Variants in CAPRIN2 observed in about 807,000 individuals in gnomAD.
The protein encoded by CAPRIN2 is caprin family member 2.
A neutral mutation model predicts 130.4 loss-of-function variants in CAPRIN2; 66 were observed. The ratio of observed to expected loss-of-function variants is 0.51; its 90% confidence interval spans 0.42 to 0.62. CAPRIN2 has a LOEUF of 0.62. Among genes scored for constraint, CAPRIN2 ranks in the 20% least tolerant of loss-of-function variants. CAPRIN2 has a pLI of 0.00. For synonymous variants in CAPRIN2, 471 were observed against 444.1 expected (o/e 1.06, Z -0.76); for missense variants, 1,185 against 1,246.6 (o/e 0.95, Z 0.74).
At chr12:30,722,604 C>T (rs1401898792) in intron 11 of CAPRIN2, among the ~76,000 whole-genome samples, 1 of 152,124 alleles carries the variant, frequency 6.6e-6, no homozygotes, top group Non-Finnish European at 1.5e-5. Context: ...TCAACAAATA[C>T]AGTTTGAAAA....
chr12:30,740,883 CT>C, intron 3 of CAPRIN2, 136 bp downstream of exon 4: 2 of 591,820 alleles, frequency 3.4e-6, no homozygotes, highest in South Asian at 4.9e-5. Context: ...TATCCTCAAC[CT>C]TCCATCACGA....
In CAPRIN2 at chr12:30,728,951, T is replaced by G. The variant is rs761937593; in HGVS notation, c.1479A>C (p.Thr493=). ...GCAGCTGAACTGGCCACAGCTTTGG[T>G]GTCTCCTGTTTCTTTTGTTCCTCTT... The change falls in exon 8 of 17, where the codon ACA becomes ACC. Residue 493 remains threonine, a synonymous_variant. Transcript: ENST00000298892. The G allele has an allele frequency of 2.5e-6, 4 of 1,614,180 alleles. No individual in the cohort carries two copies. In the Admixed American group the frequency reaches 6.7e-5, roughly 27 times the overall value.
exon 8 of CAPRIN2, chr12:30,728,867 G>C (rs184804045): frequency 1.2e-6 from 2 of 1,614,062 alleles, no homozygotes; most frequent in Admixed American, 3.3e-5. Flanking sequence ...TGTTCTGTTC[G>C]CTCTGCATGG....
rs2139901230 is a variant in CAPRIN2, at chr12:30,751,070, C to A, written c.483+1G>T. On this transcript the variant is annotated splice_donor_variant, in intron 2 of 16. Transcript: ENST00000298892. LOFTEE classifies it high-confidence loss of function. ...TTACTAAAAGATCATAAGCCACTTA[C>A]CAACTGGTCTGGATTAAGATGCTCT... The A allele has an allele frequency of 6.2e-7, 1 of 1,612,286 alleles. No individual in the cohort carries two copies. The highest frequency in any genetic ancestry group is 1.1e-5 in the South Asian group (1 of 91,048).
At chr12:30,725,904 C>T in intron 9 of CAPRIN2, 62 bp downstream of exon 10, 4 of 1,347,444 alleles carry the variant, frequency 3.0e-6, no homozygotes, top group Non-Finnish European at 3.9e-6. Context: ...AATAATTTCA[C>T]TGTAATGTTT....
At chr12:30,725,247 A>G (rs7303665) in intron 9 of CAPRIN2, among the ~76,000 whole-genome samples, 34,098 of 152,062 alleles carry the variant, frequency 0.22, 4,054 homozygotes, top group Middle Eastern at 0.32. Flanking sequence ...AGTTTCCAGT[A>G]TTTTGCATAC....
rs1214832761 is a variant in CAPRIN2 at position 30,712,476 on chromosome 12, TGAG to T, written c.2602-850_2602-848del. ...ACATCCTCCCCTCACATACATTCCC[TGAG>T]GATCACATAATAACATCTAATATTT... On this transcript the variant is annotated intron_variant, in intron 15 of 16. Coordinates refer to ENST00000298892, the Ensembl canonical transcript of CAPRIN2. Among the ~76,000 whole-genome samples, 3 of 152,198 alleles carry T rather than the reference TGAG, an allele frequency of 2.0e-5. No individual in the cohort carries two copies. The East Asian group carries it at 5.8e-4, about 29-fold the overall frequency.
intron 8 of CAPRIN2, among the ~76,000 whole-genome samples, chr12:30,726,613 T>C (rs758603621): frequency 2.1e-4 from 32 of 152,314 alleles, no homozygotes; most frequent in Middle Eastern, 3.4e-3. Flanking sequence ...CTGATATCCA[T>C]CCTAAATTGC....
intron 11 of CAPRIN2, 78 bp from the exon 13 acceptor site, chr12:30,720,993 A>G (rs2059253883): frequency 1.1e-6 from 1 of 946,368 alleles, no homozygotes; most frequent in African/African-American, 1.6e-5. Flanking sequence ...GGCCTTCCTA[A>G]TATGTTACTC....
At chr12:30,731,361 C>G (rs763432760) in exon 6 of CAPRIN2, 1 of 1,612,434 alleles carries the variant, frequency 6.2e-7, no homozygotes, top group South Asian at 1.1e-5. Flanking sequence ...TTGACAGATT[C>G]AGTCTTCGAT....
At position 30,710,196 on chromosome 12, in the gene CAPRIN2, A is replaced by G. The variant is rs781457861; in HGVS notation, c.2940T>C (p.Phe980=). The G allele has an allele frequency of 1.9e-6, 3 of 1,614,196 alleles. No individual in the cohort carries two copies. The highest frequency in any genetic ancestry group is 2.5e-6 in the Non-Finnish European group (3 of 1,180,032). ...AATTAAATCTACCAAGCTGAAGATC[A>G]AAAGTTTCTCCTAAGTTGTTCAGAA... The change falls in exon 17 of 17, where the codon TTT becomes TTC. Residue 980 remains phenylalanine (F), a synonymous_variant. Transcript: ENST00000298892. This position sits in a 1 kb window ranked among gnomAD's most constrained non-coding sequence, Gnocchi z 4.8.
intron 12 of CAPRIN2, among the ~76,000 whole-genome samples, chr12:30,718,528 T>C (rs967483976): frequency 6.6e-6 from 1 of 152,224 alleles, no homozygotes; most frequent in African/African-American, 2.4e-5. Flanking sequence ...AGAATAAACA[T>C]ACCAAACTAG....
intron 8 of CAPRIN2, among the ~76,000 whole-genome samples, chr12:30,728,169 GACTAGATTA>G (rs1485077742): frequency 6.6e-6 from 1 of 152,110 alleles, no homozygotes; most frequent in Non-Finnish European, 1.5e-5. Context: ...CTTAAAGACA[GACTAGATTA>G]ACTCCCAGTT....
chr12:30,748,596 GGTCTGA>G (rs2071951874), intron 2 of CAPRIN2, among the ~76,000 whole-genome samples: 1 of 152,060 alleles, frequency 6.6e-6, no homozygotes, highest in African/African-American at 2.4e-5. Flanking sequence ...TTATCATGGT[GGTCTGA>G]AACAGAACCC....
At chr12:30,748,176 G>A (rs1479469818) in intron 2 of CAPRIN2, among the ~76,000 whole-genome samples, 4 of 152,164 alleles carry the variant, frequency 2.6e-5, no homozygotes, top group Non-Finnish European at 5.9e-5. Context: ...TCCAAAGACT[G>A]ACTCCAATTT....
intron 15 of CAPRIN2, among the ~76,000 whole-genome samples, chr12:30,712,806 A>G (rs757307194): frequency 2.3e-5 from 3 of 132,142 alleles, no homozygotes; most frequent in Non-Finnish European, 4.6e-5. Flanking sequence ...CAATGGCGCT[A>G]TCTCTGCTCA....
chr12:30,752,798 G>T (rs1258647956), intron 1 of CAPRIN2, among the ~76,000 whole-genome samples: 2 of 152,172 alleles, frequency 1.3e-5, no homozygotes, highest in African/African-American at 4.8e-5. Context: ...AAATGAAGAA[G>T]GATTTAGATC....
intron 2 of CAPRIN2, among the ~76,000 whole-genome samples, chr12:30,746,937 G>A (rs1379127530): frequency 1.3e-5 from 2 of 152,182 alleles, no homozygotes; most frequent in Non-Finnish European, 2.9e-5. Flanking sequence ...TCTCCTATTG[G>A]AAGAAAGTGC....
At chr12:30,724,405 G>A (rs1054327661) in exon 10 of CAPRIN2, 6 of 1,613,230 alleles carry the variant, frequency 3.7e-6, no homozygotes, top group Non-Finnish European at 5.1e-6. Flanking sequence ...AGGCGGTTGT[G>A]ACGTTGGAAT....
Sources: gnomAD v4.1 joint callset for allele counts (sites outside exome capture counted in the v4.1 genomes callset) on GRCh38, gnomAD v4.1.1 for gene constraint, Gnocchi (gnomAD v3.1) non-coding constraint, MANE v1.5 for transcripts, NCBI Gene and HGNC (gene_info 2026-07-23, HGNC 2026-07-21) for gene names.